The following KIF2A variants were observed in gnomAD, a reference collection of about 807,000 sequenced individuals.
The protein encoded by KIF2A is kinesin family member 2A.
A neutral mutation model predicts 100.2 loss-of-function variants in KIF2A; 22 were observed. The ratio of observed to expected loss-of-function variants is 0.22; its 90% CI spans 0.16 to 0.31. The LOEUF (loss-of-function observed/expected upper bound fraction) is 0.31. KIF2A is among the 10% of genes least tolerant of loss of function. The pLI is 1.00. For synonymous variants in KIF2A, 268 were observed against 285.9 expected (o/e 0.94, Z 0.63); for missense variants, 495 against 898.7 (o/e 0.55, Z 5.74).
chr5:62,357,820 A>G, intron 8 of KIF2A, 75 bp downstream of exon 8: 2 of 932,226 alleles, frequency 2.1e-6, no homozygotes, highest in Non-Finnish European at 3.3e-6. Context: ...TAGCAAATCA[A>G]ATTGGTTTGG....
Position 62,358,226 on chromosome 5 carries a change from A to C in KIF2A, c.799A>C (p.Arg267=). ...HEPKQKVDLT[R]YLENQTFRFD... ...ACCAAAACAAAAAGTAGATTTAACA[A>C]GGTACCTAGAAAACCAAACATTTCG... Residue 267 remains arginine, a synonymous_variant, in exon 9 of 21, where the codon AGG becomes CGG. Coordinates refer to ENST00000407818, the MANE Select transcript of KIF2A (RefSeq NM_001098511.3). 1.2e-6 allele frequency: 2 copies of C among 1,606,180 alleles called. No individual in the cohort carries two copies. Among genetic ancestry groups the C allele is most frequent in the Non-Finnish European group, 1.7e-6 (2 of 1,177,308 alleles).
chr5:62,337,332 A>T (rs1747016255), intron 1 of KIF2A, among the ~76,000 whole-genome samples: 1 of 152,052 alleles, frequency 6.6e-6, no homozygotes, highest in Admixed American at 6.6e-5. Flanking sequence ...TCTCTACTAA[A>T]AATACAAAAA....
chr5:62,354,703 CTG>C (rs772870847), intron 6 of KIF2A, among the ~76,000 whole-genome samples: 28 of 152,192 alleles, frequency 1.8e-4, no homozygotes, highest in Middle Eastern at 3.4e-3. Context: ...ACAAATGAAT[CTG>C]TATTTATACT....
At chr5:62,369,032 AAAAC>A (rs1741205712) in intron 16 of KIF2A, among the ~76,000 whole-genome samples, 1 of 152,220 alleles carries the variant, frequency 6.6e-6, no homozygotes, top group Non-Finnish European at 1.5e-5. Context: ...TTGTAGAATT[AAAAC>A]AAACAAAACC....
At position 62,389,416 on chromosome 5, in the gene KIF2A, G is replaced by C. The variant is rs896425462; in HGVS notation, c.*3847G>C. 4.0e-4 allele frequency among the ~76,000 whole-genome samples: 58 copies of C among 145,882 alleles called. No individual in the cohort carries two copies. Among genetic ancestry groups the C allele is most frequent in the African/African-American group, 1.4e-3 (56 of 38,954 alleles). On this transcript the variant is annotated 3_prime_UTR_variant, in exon 21 of 21. Coordinates refer to ENST00000407818, the MANE Select transcript of KIF2A (RefSeq NM_001098511.3). The stretch of plus-strand genomic sequence containing the variant: ...CAGGAGATTTGCCTGAACCCAGGAG[G>C]CGGAGGTTGCAGTGAGCTGAGATTG...
rs1424298527 is a variant in KIF2A, at chr5:62,388,351, A to G, written c.*2782A>G. The G allele has an allele frequency of 6.6e-6, 1 of 152,204 alleles. No individual in the cohort carries two copies. Among genetic ancestry groups the G allele is most frequent in the East Asian group, 1.9e-4 (1 of 5,202 alleles). 9.4% of individuals were successfully genotyped at this position (152,204 alleles called of 1,614,324 possible). ...TTCCAGTTTAGCTTCCTCATTTTAC[A>G]TGTTGGGAGTCATGCCCTTTAATAT... On this transcript the variant is annotated 3_prime_UTR_variant, in exon 21 of 21. Coordinates refer to ENST00000407818, the MANE Select transcript of KIF2A (RefSeq NM_001098511.3).
At chr5:62,326,873 T>C (rs1746404618) in intron 1 of KIF2A, among the ~76,000 whole-genome samples, 1 of 152,028 alleles carries the variant, frequency 6.6e-6, no homozygotes, top group South Asian at 2.1e-4. Flanking sequence ...AGCACATGCC[T>C]GTGGTCCTAC....
intron 16 of KIF2A, among the ~76,000 whole-genome samples, chr5:62,369,019 A>G (rs1161587740): frequency 1.3e-5 from 2 of 152,192 alleles, no homozygotes; most frequent in East Asian, 3.8e-4. Context: ...GATTCTTGCC[A>G]TGTTGTAGAA....
chr5:62,311,792 G>A (rs1745565232), intron 1 of KIF2A: 1 of 152,200 alleles, frequency 6.6e-6, no homozygotes, highest in African/African-American at 2.4e-5. Context: ...GGACGATAAT[G>A]TTTCTGTATA....
chr5:62,352,555 C>A, intron 4 of KIF2A, 33 bp from the exon 5 acceptor site: 2 of 1,491,858 alleles, frequency 1.3e-6, no homozygotes, highest in East Asian at 2.5e-5. Flanking sequence ...AATTTTCTAT[C>A]CTGAATTTAA....
intron 1 of KIF2A, among the ~76,000 whole-genome samples, chr5:62,335,134 A>C (rs1746873665): frequency 6.6e-6 from 1 of 152,220 alleles, no homozygotes. Context: ...CTCAAGGCTG[A>C]ACATCATCCT....
At chr5:62,377,325 A>G (rs918478308) in intron 18 of KIF2A, among the ~76,000 whole-genome samples, 1 of 152,188 alleles carries the variant, frequency 6.6e-6, no homozygotes, top group Non-Finnish European at 1.5e-5. Context: ...TACTGAGGAA[A>G]TATTTCATAC....
chr5:62,321,859 A>G (rs1307606395), intron 1 of KIF2A, among the ~76,000 whole-genome samples: 3 of 151,936 alleles, frequency 2.0e-5, no homozygotes, highest in Non-Finnish European at 4.4e-5. Context: ...ATGCCCAGCC[A>G]TTTGTATGTC....
intron 18 of KIF2A, among the ~76,000 whole-genome samples, chr5:62,374,782 C>T (rs1447759611): frequency 1.3e-5 from 2 of 152,126 alleles, no homozygotes; most frequent in South Asian, 2.1e-4. Context: ...CAAAAATTAG[C>T]TGAGCATGGT....
intron 14 of KIF2A, 75 bp from the exon 15 acceptor site, chr5:62,365,168 C>T (rs1378268680): frequency 2.8e-6 from 2 of 703,854 alleles, no homozygotes; most frequent in Non-Finnish European, 4.7e-6. Context: ...AGTAAGAGAC[C>T]TTTTAAAATA....
Position 62,350,070 on chromosome 5 carries a change from G to A in KIF2A, c.284G>A (p.Arg95Gln), listed in dbSNP as rs1296969890. ...SAKVNKIVKN[R>Q]RTVASIKNDP... ...GAACATTTTTTCCTTTCATAGAATC[G>A]ACGGACTGTAGCTTCTATTAAGAAT... is the stretch of plus-strand genomic sequence containing the variant. Residue 95 changes from arginine to glutamine, a missense_variant, in exon 4 of 21, where the codon CGA becomes CAA. Physicochemically the swap from Arg to Gln is conservative, Grantham distance 43 (BLOSUM62 1). Around this residue, in one of 10 missense-constraint regions of KIF2A, gnomAD observed 115 missense variants for 143.6 expected, o/e 0.80. Transcript: ENST00000407818. 1.9e-6 allele frequency: 3 copies of A among 1,586,686 alleles called. No individual in the cohort carries two copies. Among genetic ancestry groups the A allele is most frequent in the Non-Finnish European group, 2.6e-6 (3 of 1,164,378 alleles).
intron 1 of KIF2A, among the ~76,000 whole-genome samples, chr5:62,341,290 G>A (rs1747276958): frequency 6.6e-6 from 1 of 151,270 alleles, no homozygotes; most frequent in Non-Finnish European, 1.5e-5. Context: ...TGCTGATACT[G>A]GATGTTGTCT....
Position 62,386,402 on chromosome 5 carries a change from A to AAAATACAT in KIF2A, c.*835_*842dup, listed in dbSNP as rs1368882002. 1 of 152,222 alleles carries AAAATACAT rather than the reference A, an allele frequency of 6.6e-6. No individual in the cohort carries two copies. Among genetic ancestry groups the AAAATACAT allele is most frequent in the Non-Finnish European group, 1.5e-5 (1 of 68,046 alleles). 9.4% of individuals were successfully genotyped at this position (152,222 alleles called of 1,614,324 possible). On this transcript the variant is annotated 3_prime_UTR_variant, in exon 21 of 21. Coordinates refer to ENST00000407818, the MANE Select transcript of KIF2A (RefSeq NM_001098511.3). Reference sequence around the variant, plus strand: ...ATTCTGAGAAGAGTTTTATCTTAGGAAAATACATATATATGCAGTGTGTGT... The same window carrying AAAATACAT: ...ATTCTGAGAAGAGTTTTATCTTAGGAAAATACATAAATACATATATATGCAGTGTGTGT...
chr5:62,327,826 A>AGCAG (rs1746453845), intron 1 of KIF2A, among the ~76,000 whole-genome samples: 1 of 152,214 alleles, frequency 6.6e-6, no homozygotes, highest in South Asian at 2.1e-4. Flanking sequence ...CGTAGAGTGG[A>AGCAG]GCAGGAGTTG....
Sources: gnomAD v4.1 joint callset for allele counts (sites outside exome capture counted in the v4.1 genomes callset) on GRCh38, gnomAD v4.1.1 for gene constraint, gnomAD v4.1.1 regional missense constraint, MANE v1.5 for transcripts, NCBI Gene and HGNC (gene_info 2026-07-23, HGNC 2026-07-21) for gene names.